The following CADPS variants were observed in gnomAD, a reference collection of about 807,000 sequenced individuals.
CADPS encodes calcium dependent secretion activator.
Under a neutral mutation model 167.3 loss-of-function variants are expected in CADPS, and 57 were observed. That is an observed-to-expected ratio of 0.34 (90% CI 0.28 to 0.42). The LOEUF (loss-of-function observed/expected upper bound fraction) is 0.42. CADPS is among the 20% of genes least tolerant of loss of function. The pLI is 1.00. For missense variants in CADPS, 1,414 were observed against 1,738.1 expected (o/e 0.81, Z 3.32); for synonymous variants, 676 against 635.3 (o/e 1.06, Z -0.96).
At chr3:62,598,095 A>T (rs2059178626) in intron 6 of CADPS, among the ~76,000 whole-genome samples, 1 of 152,220 alleles carries the variant, frequency 6.6e-6, no homozygotes, top group African/African-American at 2.4e-5. Flanking sequence ...TCCACAGTCC[A>T]TCGTTCCATG....
chr3:62,820,566 A>C (rs1195109581), intron 1 of CADPS, among the ~76,000 whole-genome samples: 1 of 152,120 alleles, frequency 6.6e-6, no homozygotes, highest in African/African-American at 2.4e-5. Context: ...CGGTAAGGAC[A>C]AGGAAGAAGT....
At chr3:62,854,692 A>G (rs1432842491) in intron 1 of CADPS, among the ~76,000 whole-genome samples, 4 of 152,090 alleles carry the variant, frequency 2.6e-5, no homozygotes, top group African/African-American at 9.7e-5. Context: ...AAGAAGTTCT[A>G]TTTTTCTGAT....
chr3:62,721,106 C>T (rs1455084814), intron 3 of CADPS, among the ~76,000 whole-genome samples: 1 of 114,952 alleles, frequency 8.7e-6, no homozygotes, highest in East Asian at 2.0e-4. Context: ...TGTGAGCCAC[C>T]GTGCCCGGCA....
chr3:62,781,519 C>T (rs916912318), intron 1 of CADPS, among the ~76,000 whole-genome samples: 11 of 152,138 alleles, frequency 7.2e-5, no homozygotes, highest in Non-Finnish European at 1.3e-4. Context: ...CAATGACACA[C>T]GTGACTCCCA....
At chr3:62,413,671 A>G (rs2049422371) in intron 28 of CADPS, among the ~76,000 whole-genome samples, 1 of 152,190 alleles carries the variant, frequency 6.6e-6, no homozygotes, top group African/African-American at 2.4e-5. Context: ...AACGACGTCT[A>G]CAGATCGGTT....
intron 26 of CADPS, among the ~76,000 whole-genome samples, chr3:62,462,412 C>T (rs898626440): frequency 1.3e-5 from 2 of 152,206 alleles, no homozygotes; most frequent in African/African-American, 4.8e-5. Flanking sequence ...CTGCCTGCTC[C>T]GTGCCACTGC....
chr3:62,475,946 G>A (rs906057116), intron 23 of CADPS, among the ~76,000 whole-genome samples: 1 of 152,138 alleles, frequency 6.6e-6, no homozygotes, highest in Non-Finnish European at 1.5e-5. Context: ...GGAGTGCAGG[G>A]CTGTGAAAAG....
intron 28 of CADPS, among the ~76,000 whole-genome samples, chr3:62,415,477 C>T (rs1166054763): frequency 1.3e-5 from 2 of 151,938 alleles, no homozygotes; most frequent in Admixed American, 6.6e-5. Context: ...AGATGTAGCC[C>T]CCACCCCCCC....
chr3:62,476,999 T>G (rs2061408779), intron 23 of CADPS, among the ~76,000 whole-genome samples: 1 of 152,126 alleles, frequency 6.6e-6, no homozygotes, highest in Non-Finnish European at 1.5e-5. Context: ...AAAAGAGCAA[T>G]ACTAAAAAAT....
rs1012653301 is a variant in CADPS, at chr3:62,753,866, G to A, written c.556-93C>T. ...TGGACACTGGGCCAGTCCACCTCAC[G>A]TGCATCCCAGGAGGAACCACTGTGG... On this transcript the variant is annotated intron_variant, in intron 2 of 29. Coordinates refer to ENST00000383710, the MANE Select transcript of CADPS (RefSeq NM_003716.4). This position sits in a 1 kb window ranked among gnomAD's most constrained non-coding sequence, Gnocchi z 4.6. 1.9e-5 allele frequency: 24 copies of A among 1,231,826 alleles called. No individual in the cohort carries two copies. Among genetic ancestry groups the A allele is most frequent in the African/African-American group, 1.8e-4 (12 of 66,274 alleles). The allele number at this position is 1,231,826 out of a possible 1,614,324, so 76.3% of individuals were successfully genotyped here. A position where few individuals can be genotyped will look rare whatever the true frequency, so the allele number is the denominator to read the frequency against.
intron 3 of CADPS, among the ~76,000 whole-genome samples, chr3:62,707,243 A>G (rs11721041): frequency 0.079 from 12,067 of 152,078 alleles, 633 homozygotes; most frequent in Non-Finnish European, 0.12. Context: ...CATGTGAGGG[A>G]TCTCCATTGT....
intron 1 of CADPS, among the ~76,000 whole-genome samples, chr3:62,803,457 G>T (rs1249768511): frequency 1.3e-5 from 2 of 151,974 alleles, no homozygotes; most frequent in Non-Finnish European, 2.9e-5. Flanking sequence ...GGAGGTGAGG[G>T]GGAGACTGCT....
chr3:62,819,549 A>C (rs747951096), intron 1 of CADPS, among the ~76,000 whole-genome samples: 2 of 151,994 alleles, frequency 1.3e-5, no homozygotes, highest in Non-Finnish European at 2.9e-5. Flanking sequence ...GATAACTTCT[A>C]AACTCTTGGA....
At chr3:62,641,448 T>G (rs567759791) in intron 6 of CADPS, among the ~76,000 whole-genome samples, 10 of 152,158 alleles carry the variant, frequency 6.6e-5, no homozygotes, top group Non-Finnish European at 1.3e-4. Context: ...CTTTGAAATA[T>G]ATCACCTTAG....
intron 6 of CADPS, among the ~76,000 whole-genome samples, chr3:62,617,717 G>A (rs2062546919): frequency 1.3e-5 from 2 of 152,150 alleles, no homozygotes; most frequent in Admixed American, 6.5e-5. Flanking sequence ...CATGGTGTCA[G>A]TTCTTTCCTT....
chr3:62,479,133 G>A (rs1045506241), intron 22 of CADPS, among the ~76,000 whole-genome samples: 1 of 152,174 alleles, frequency 6.6e-6, no homozygotes, highest in Non-Finnish European at 1.5e-5. Flanking sequence ...ATGCTTTAGG[G>A]CTCAAAACCT....
chr3:62,646,366 T>C (rs1274361070), intron 5 of CADPS, among the ~76,000 whole-genome samples: 1 of 151,754 alleles, frequency 6.6e-6, no homozygotes, highest in African/African-American at 2.4e-5. Context: ...GAGACAGAGT[T>C]TTATCACTCT....
intron 28 of CADPS, among the ~76,000 whole-genome samples, chr3:62,417,611 C>T (rs1053011628): frequency 6.6e-6 from 1 of 152,110 alleles, no homozygotes; most frequent in African/African-American, 2.4e-5. Flanking sequence ...TCTTCATGAG[C>T]CACCCATTAA....
At chr3:62,557,536 G>A in intron 9 of CADPS, 23 bp from the exon 10 acceptor site, 1 of 1,569,468 alleles carries the variant, frequency 6.4e-7, no homozygotes, top group South Asian at 1.1e-5. Context: ...AGCAGATTGT[G>A]AGGTTGACCC....
Sources: gnomAD v4.1 joint callset for allele counts (sites outside exome capture counted in the v4.1 genomes callset) on GRCh38, gnomAD v4.1.1 for gene constraint, Gnocchi (gnomAD v3.1) non-coding constraint, MANE v1.5 for transcripts, NCBI Gene and HGNC (gene_info 2026-07-23, HGNC 2026-07-21) for gene names.